The following TAF6 variants were observed in gnomAD, a reference collection of about 807,000 sequenced individuals.
The protein encoded by TAF6 is TATA-box binding protein associated factor 6.
Under a neutral mutation model 73.5 loss-of-function variants are expected in TAF6, and 50 were observed. That is an observed-to-expected ratio of 0.68 (90% CI 0.54 to 0.86). TAF6 has a LOEUF of 0.86. Ranked by LOEUF, TAF6 falls within the 40% of genes least tolerant of loss-of-function variation. TAF6 has a pLI of 0.00. For synonymous variants in TAF6, 424 were observed against 376.7 expected, an observed-to-expected ratio of 1.13 and a Z score of -1.45; for missense variants, 768 against 899.5, an observed-to-expected ratio of 0.85 and a Z score of 1.87.
chr7:100,119,607 T>C, upstream of TAF6: 1 of 1,553,128 alleles, frequency 6.4e-7, no homozygotes, highest in Non-Finnish European at 8.7e-7. Flanking sequence ...CCCACCCTTG[T>C]TGGGCTGATC....
At position 100,107,319 on chromosome 7, in the gene TAF6, G is replaced by A; in HGVS notation, c.1961C>T (p.Pro654Leu). 6.5e-7 allele frequency: 1 copy of A among 1,536,746 alleles called. No homozygotes were observed. Among genetic ancestry groups the A allele is most frequent in the Non-Finnish European group, 8.8e-7 (1 of 1,141,652 alleles). The change falls in exon 15 of 15, where the codon CCC becomes CTC. Residue 654 changes from proline (P) to leucine (L), a missense_variant. Around this residue, in one of 5 missense-constraint regions of TAF6, gnomAD observed 350 missense variants for 352.3 expected, o/e 0.99. Coordinates refer to ENST00000453269, the MANE Select transcript of TAF6 (RefSeq NM_139315.3). ...TTTTGGAGTCCCTGGAGCTGGAGGGGGACTGTCCCCAGCCTCCTGCTTCCC... is the reference window on the plus strand; with the variant it reads ...TTTTGGAGTCCCTGGAGCTGGAGGGAGACTGTCCCCAGCCTCCTGCTTCCC... The part of the protein sequence containing the change: ...CGGKQEAGDS[P>L]PPAPGTPKAN...
At chr7:100,113,440 C>G in intron 4 of TAF6, 35 bp from the exon 5 acceptor site, 1 of 1,551,880 alleles carries the variant, frequency 6.4e-7, no homozygotes, top group South Asian at 1.2e-5. Context: ...TGAATTGCCA[C>G]GCATGGACAT....
intron 12 of TAF6, among the ~76,000 whole-genome samples, chr7:100,109,396 A>G (rs1297181614): frequency 1.3e-5 from 2 of 152,138 alleles, no homozygotes; most frequent in East Asian, 3.8e-4. Context: ...ATACTGTGGC[A>G]GGATGGTTAA....
At position 100,107,243 on chromosome 7, in the gene TAF6, G is replaced by A; in HGVS notation, c.*3C>T. The A allele has an allele frequency of 6.6e-7, 1 of 1,521,970 alleles. No homozygotes were observed. The highest frequency in any genetic ancestry group is 8.8e-7 in the Non-Finnish European group (1 of 1,138,298). The allele number at this position is 1,521,970 out of a possible 1,614,324, so 94.3% of individuals were successfully genotyped here. On this transcript the variant is annotated 3_prime_UTR_variant, in exon 15 of 15. Coordinates refer to ENST00000453269, the MANE Select transcript of TAF6 (RefSeq NM_139315.3). ...GGGAATCCGGGGGCTGGCAGGTGGA[G>A]CATCACGGAGCAGGCTGAGGGGAGC...
upstream of TAF6, chr7:100,122,516 G>A (rs764917274): frequency 6.2e-7 from 1 of 1,613,910 alleles, no homozygotes; most frequent in Admixed American, 1.7e-5. Context: ...GAGAATTTAT[G>A]TGAGCGGATC....
upstream of TAF6, among the ~76,000 whole-genome samples, chr7:100,124,090 T>G (rs905148285): frequency 1.7e-4 from 26 of 149,482 alleles, no homozygotes; most frequent in African/African-American, 6.2e-4. Context: ...TGAGCTGAGA[T>G]CCCACCACTG....
intron 1 of TAF6, chr7:100,118,276 C>T (rs543166632): frequency 6.6e-6 from 1 of 150,872 alleles, no homozygotes; most frequent in Non-Finnish European, 1.5e-5. Context: ...CCGCTTGAAC[C>T]AGGAAGCGGA....
At chr7:100,121,979 G>A (rs1405916519), upstream of TAF6, 1 of 327,084 alleles carries the variant, frequency 3.1e-6, no homozygotes, top group Non-Finnish European at 5.8e-6. Flanking sequence ...GAACCCAGGA[G>A]GCGGAGCTGG....
chr7:100,125,584 C>T, the TAF6 span: 133 of 152,316 alleles, frequency 8.7e-4, no homozygotes, highest in African/African-American at 3.0e-3. Flanking sequence ...CCCAGAATGG[C>T]CGCTGTCTTG....
Position 100,112,240 on chromosome 7 carries a change from C to G in TAF6, c.588G>C (p.Lys196Asn). 2 of 1,613,364 alleles carry G rather than the reference C, an allele frequency of 1.2e-6. No homozygotes were observed. Among genetic ancestry groups the G allele is most frequent in the Non-Finnish European group, 1.7e-6 (2 of 1,179,700 alleles). Residue 196 changes from lysine (K) to asparagine (N), a missense_variant, in exon 7 of 15, where the codon AAG becomes AAC. Lys to Asn is a moderately conservative substitution (Grantham distance 94). Transcript: ENST00000453269. ...GGGCCCCCTCCAGCAAGGGCGGCGCCTTCTTCTCTTTCCCTGTGTGATTGG... is the reference window on the plus strand; with the variant it reads ...GGGCCCCCTCCAGCAAGGGCGGCGCGTTCTTCTCTTTCCCTGTGTGATTGG... ...TTADGKGKEK[K>N]APPLLEGAPL...
At chr7:100,126,022 T>TA in the TAF6 span, among the ~76,000 whole-genome samples, 3 of 152,070 alleles carry the variant, frequency 2.0e-5, no homozygotes, top group African/African-American at 7.2e-5. Context: ...CCGTCTCTAC[T>TA]AAAAATACAA....
intron 1 of TAF6, chr7:100,118,330 CGATA>C (rs1339367710): frequency 7.0e-6 from 1 of 142,194 alleles, no homozygotes; most frequent in African/African-American, 2.6e-5. Flanking sequence ...CCAGCCTGGG[CGATA>C]GAGAGAGACT....
At chr7:100,119,102 G>A (rs1028145183) in intron 1 of TAF6, 102 bp downstream of exon 1, 1 of 986,430 alleles carries the variant, frequency 1.0e-6, no homozygotes, top group Non-Finnish European at 1.2e-6. Context: ...AGATCCCCGG[G>A]CAGCGCGAAA....
In TAF6 at chr7:100,111,166, C is replaced by T; in HGVS notation, c.1056G>A (p.Gln352=). The T allele has an allele frequency of 6.2e-7, 1 of 1,614,064 alleles. No homozygotes were observed. Among genetic ancestry groups the T allele is most frequent in the East Asian group, 2.2e-5 (1 of 44,874 alleles). ...KHFSTTTNNI[Q]SRITKTFTKS... ...TGGTGAAGGTCTTGGTGATCCGGGA[C>T]TGGATGTTGTTAGTGGTTGTGCTAA... Residue 352 remains glutamine (Q), a synonymous_variant, in exon 10 of 15, where the codon CAG becomes CAA. Transcript: ENST00000453269.
At chr7:100,120,154 G>C (rs186386158), upstream of TAF6, 17 of 297,762 alleles carry the variant, frequency 5.7e-5, no homozygotes, top group East Asian at 1.3e-3. Context: ...CCAACTTTTA[G>C]AGCATCTTCA....
rs4134904 is a variant in TAF6 at position 100,112,961 on chromosome 7, A to AG, written c.455-45dup. On this transcript the variant is annotated intron_variant, in intron 5 of 14. Coordinates refer to ENST00000453269, the MANE Select transcript of TAF6 (RefSeq NM_139315.3). The stretch of plus-strand genomic sequence containing the variant: ...CAGCGGGAGGGGTGATGAGCATAGT[A>AG]GAAAAGTAAAAGGTGGGAGGAGGCC... The AG allele has an allele frequency of 0.58, 922,954 of 1,587,594 alleles. 272,061 individuals are homozygous for AG. The highest frequency in any genetic ancestry group is 0.86 in the East Asian group (38,132 of 44,102).
intron 1 of TAF6, chr7:100,115,068 C>G (rs1006405600): frequency 2.0e-5 from 3 of 152,368 alleles, no homozygotes; most frequent in African/African-American, 2.4e-5. Context: ...ACTATGTTGT[C>G]CAGGCTGGTC....
rs764983094 is a variant in TAF6 at position 100,107,291 on chromosome 7, G to A, written c.1989C>T (p.Ala663=). The change falls in exon 15 of 15, where the codon GCC becomes GCT. Residue 663 remains alanine (A), a synonymous_variant. Coordinates refer to ENST00000453269, the MANE Select transcript of TAF6 (RefSeq NM_139315.3). ...SPPPAPGTPK[A]NGSQPNSGSP... is the part of the protein sequence containing the mutation. Reference sequence around the variant, plus strand: ...AGCCGGAGTTGGGCTGGGAGCCATTGGCTTTTGGAGTCCCTGGAGCTGGAG... The same window carrying A: ...AGCCGGAGTTGGGCTGGGAGCCATTAGCTTTTGGAGTCCCTGGAGCTGGAG... 2.0e-6 allele frequency: 3 copies of A among 1,524,108 alleles called. No individual in the cohort carries two copies. In the East Asian group the frequency reaches 6.8e-5, roughly 34 times the overall value. The allele number at this position is 1,524,108 out of a possible 1,614,324, so 94.4% of individuals were successfully genotyped here.
At chr7:100,108,328 C>T (rs779067413) in intron 13 of TAF6, 39 bp downstream of exon 13, 10 of 1,566,842 alleles carry the variant, frequency 6.4e-6, no homozygotes, top group Non-Finnish European at 8.7e-6. Context: ...GGGTTCTCCT[C>T]TGCTTCCTCC....
Sources: allele counts gnomAD v4.1 joint callset (sites outside exome capture counted in the v4.1 genomes callset), GRCh38; gene constraint gnomAD v4.1.1; regional missense constraint gnomAD v4.1.1; transcripts MANE v1.5; gene names NCBI Gene and HGNC (gene_info 2026-07-23, HGNC 2026-07-21).